C8orf34: variants seen among roughly 807,000 people sequenced by gnomAD.
C8orf34 encodes the protein chromosome 8 open reading frame 34, also known as uncharacterized protein C8orf34.
A neutral mutation model predicts 68.3 loss-of-function variants in C8orf34; 65 were observed. That is an observed-to-expected ratio of 0.95 (90% CI 0.78 to 1.17). The LOEUF is 1.17. C8orf34 is among the 50% of genes most tolerant of loss of function. C8orf34 has a pLI of 0.00. For synonymous variants in C8orf34, 244 were observed against 241.2 expected (o/e 1.01, Z -0.11); for missense variants, 664 against 655.4 (o/e 1.01, Z -0.14).
At position 68,731,255 on chromosome 8, in the gene C8orf34, AG is replaced by A. The variant is rs1298710363; in HGVS notation, c.1404+9821del. ...TCCCTACAGAAGCTTACACATTTGC[AG>A]GGTTCTTTTTTACCTTTTAACCACA... On this transcript the variant is annotated intron_variant, in intron 10 of 13. Transcript: ENST00000518698. 2.0e-5 allele frequency among the ~76,000 whole-genome samples: 3 copies of A among 152,206 alleles called. No individual in the cohort carries two copies. The East Asian group carries it at 5.8e-4, about 29-fold the overall frequency.
At chr8:68,468,436 T>C (rs1280066710) in intron 3 of C8orf34, among the ~76,000 whole-genome samples, 2 of 152,070 alleles carry the variant, frequency 1.3e-5, no homozygotes, top group Non-Finnish European at 2.9e-5. Context: ...ATAGAAATGA[T>C]TAGTTTTAAG....
intron 8 of C8orf34, among the ~76,000 whole-genome samples, chr8:68,672,946 A>G (rs1363751744): frequency 1.3e-5 from 2 of 151,238 alleles, no homozygotes; most frequent in African/African-American, 4.9e-5. Flanking sequence ...ACAGTAGGAT[A>G]GGGCATTGGG....
chr8:68,589,614 AGAGAAG>A (rs1563547444), intron 7 of C8orf34, among the ~76,000 whole-genome samples: 74 of 91,950 alleles, frequency 8.0e-4, no homozygotes, highest in African/African-American at 3.3e-3. Context: ...AGAAAGAAGG[AGAGAAG>A]AAGAAAGAAG....
At chr8:68,695,388 A>T (rs1378639989) in intron 8 of C8orf34, among the ~76,000 whole-genome samples, 1 of 152,074 alleles carries the variant, frequency 6.6e-6, no homozygotes, top group Non-Finnish European at 1.5e-5. Flanking sequence ...ACCTCAAGTG[A>T]TCCACCCACC....
At chr8:68,696,024 G>A (rs1585742880) in intron 8 of C8orf34, among the ~76,000 whole-genome samples, 2 of 151,764 alleles carry the variant, frequency 1.3e-5, no homozygotes, top group South Asian at 4.2e-4. Flanking sequence ...ATTATAGGCT[G>A]GGCCTGGTGG....
At chr8:68,670,337 CAAAAGAAA>C (rs1169494770) in intron 8 of C8orf34, among the ~76,000 whole-genome samples, 1 of 152,126 alleles carries the variant, frequency 6.6e-6, no homozygotes, top group East Asian at 1.9e-4. Context: ...AACTTATTTC[CAAAAGAAA>C]TGAATTATCT....
intron 8 of C8orf34, among the ~76,000 whole-genome samples, chr8:68,680,022 ATCTTG>A (rs1338701110): frequency 6.6e-6 from 1 of 152,198 alleles, no homozygotes; most frequent in Admixed American, 6.5e-5. Context: ...GGGCAAAAAT[ATCTTG>A]AGTTATCTCT....
At chr8:68,478,785 T>A (rs999308064) in intron 4 of C8orf34, among the ~76,000 whole-genome samples, 1 of 152,208 alleles carries the variant, frequency 6.6e-6, no homozygotes, top group African/African-American at 2.4e-5. Context: ...GAGAACTCAC[T>A]ATCATGAGAA....
rs553219753 is a variant in C8orf34, at chr8:68,459,854, G to A, written c.608-8838G>A. On this transcript the variant is annotated intron_variant, in intron 3 of 13. Coordinates refer to ENST00000518698, the MANE Select transcript of C8orf34 (RefSeq NM_052958.4). ...ACAGCTCCGGTCTACAGCTCCCAGT[G>A]TGAGTGACGCAGAAGACAGGTGATT... 2.3e-3 allele frequency among the ~76,000 whole-genome samples: 346 copies of A among 152,334 alleles called. 3 individuals are homozygous for A. Among genetic ancestry groups the A allele is most frequent in the African/African-American group, 7.0e-3 (291 of 41,582 alleles).
intron 9 of C8orf34, among the ~76,000 whole-genome samples, chr8:68,717,242 C>A (rs921709548): frequency 2.6e-5 from 4 of 152,030 alleles, no homozygotes; most frequent in Admixed American, 1.3e-4. Context: ...ATAATATGTT[C>A]TTTAGGAAAA....
intron 7 of C8orf34, among the ~76,000 whole-genome samples, chr8:68,567,449 T>C: frequency 6.6e-6 from 1 of 152,082 alleles, no homozygotes; most frequent in East Asian, 1.9e-4. Flanking sequence ...TTTGTATTTC[T>C]GTGTTGTCAG....
At chr8:68,481,426 A>T (rs1407781843) in intron 4 of C8orf34, among the ~76,000 whole-genome samples, 4 of 152,272 alleles carry the variant, frequency 2.6e-5, no homozygotes, top group Admixed American at 2.6e-4. Context: ...GGCACCACCT[A>T]GTGGAGCTGT....
At chr8:68,807,847 T>C (rs909155727) in intron 12 of C8orf34, among the ~76,000 whole-genome samples, 2 of 152,250 alleles carry the variant, frequency 1.3e-5, no homozygotes, top group South Asian at 4.1e-4. Context: ...AGATTTTAAG[T>C]TGGGCTTTAT....
At chr8:68,515,981 T>C (rs1814495133) in intron 5 of C8orf34, among the ~76,000 whole-genome samples, 1 of 152,228 alleles carries the variant, frequency 6.6e-6, no homozygotes, top group African/African-American at 2.4e-5. Flanking sequence ...TGTGTATAGA[T>C]CAATGTGCAT....
intron 7 of C8orf34, among the ~76,000 whole-genome samples, chr8:68,598,445 C>G (rs899304606): frequency 6.6e-6 from 1 of 152,154 alleles, no homozygotes; most frequent in Non-Finnish European, 1.5e-5. Context: ...TCCAGTTCCT[C>G]AGACAGCAAA....
chr8:68,765,217 C>A (rs532701681), intron 10 of C8orf34, among the ~76,000 whole-genome samples: 1 of 152,190 alleles, frequency 6.6e-6, no homozygotes, highest in Non-Finnish European at 1.5e-5. Context: ...GTGTTATCGC[C>A]ATTTACAGAT....
Position 68,465,344 on chromosome 8 carries a change from C to T in C8orf34, c.608-3348C>T, listed in dbSNP as rs549094205. ...GTGGAGAAATAGGAACACTTTTACA[C>T]TGTTGGTGGGACTCTAAACTAGTTC... On this transcript the variant is annotated intron_variant, in intron 3 of 13. Transcript: ENST00000518698. Among the ~76,000 whole-genome samples, 141 of 148,446 alleles carry T rather than the reference C, an allele frequency of 9.5e-4. 1 individual carries two copies. The highest frequency in any genetic ancestry group is 3.0e-3 in the African/African-American group (120 of 40,116).
chr8:68,690,641 T>C lies in C8orf34; in HGVS notation c.1242-18353T>C, dbSNP rs960798585. Among the ~76,000 whole-genome samples the C allele has an allele frequency of 3.9e-5, 6 of 152,086 alleles. 1 individual carries two copies. The Middle Eastern group carries it at 0.014, about 345-fold the overall frequency. ...GTATGAGAGCTCTGCCCTCATGACA[T>C]AATCACCTCATAAAGGCCCATTTCT... On this transcript the variant is annotated intron_variant, in intron 8 of 13. Transcript: ENST00000518698.
chr8:68,605,777 T>C (rs909974273), intron 7 of C8orf34, among the ~76,000 whole-genome samples: 5 of 152,076 alleles, frequency 3.3e-5, no homozygotes, highest in African/African-American at 1.2e-4. Context: ...ACAATTCTGT[T>C]CAATACTGTA....
Sources: gnomAD v4.1 joint callset for allele counts (sites outside exome capture counted in the v4.1 genomes callset) on GRCh38, gnomAD v4.1.1 for gene constraint, MANE v1.5 for transcripts, NCBI Gene and HGNC (gene_info 2026-07-23, HGNC 2026-07-21) for gene names.